Variants in SORCS2 observed in about 807,000 individuals in gnomAD.
SORCS2 encodes VPS10 domain-containing receptor SorCS2.
In SORCS2, 100 loss-of-function variants were observed where a neutral mutation model predicts 141.6. The observed-to-expected ratio is 0.71, with a 90% confidence interval of 0.60 to 0.83. SORCS2 has a LOEUF of 0.83. SORCS2 is among the 40% of genes least tolerant of loss of function. SORCS2 has a pLI of 0.00. For synonymous variants in SORCS2, 789 were observed against 676.9 expected (o/e 1.17, Z -2.57); for missense variants, 1,646 against 1,560.2 (o/e 1.05, Z -0.93).
chr4:7,251,611 C>T (rs1015624071), intron 1 of SORCS2, among the ~76,000 whole-genome samples: 4 of 152,202 alleles, frequency 2.6e-5, no homozygotes, highest in Non-Finnish European at 4.4e-5. Flanking sequence ...GAGTGCGCTC[C>T]TGCCTAAGCC....
chr4:7,568,558 A>G (rs922440770), intron 3 of SORCS2, among the ~76,000 whole-genome samples: 1 of 152,174 alleles, frequency 6.6e-6, no homozygotes, highest in Non-Finnish European at 1.5e-5. Context: ...TATCACAGCG[A>G]CCACCAAAAA....
intron 2 of SORCS2, among the ~76,000 whole-genome samples, chr4:7,459,233 A>C (rs897864954): frequency 6.6e-6 from 1 of 152,066 alleles, no homozygotes; most frequent in African/African-American, 2.4e-5. Context: ...CCCTTCTCCG[A>C]GTCTCTGTTT....
At chr4:7,505,051 G>C (rs904019501) in intron 2 of SORCS2, among the ~76,000 whole-genome samples, 2 of 152,206 alleles carry the variant, frequency 1.3e-5, no homozygotes, top group Non-Finnish European at 2.9e-5. Flanking sequence ...ATGGAAACCT[G>C]GAGCGCCGGG....
intron 1 of SORCS2, among the ~76,000 whole-genome samples, chr4:7,317,856 A>T (rs2878618): frequency 6.6e-6 from 1 of 151,850 alleles, no homozygotes; most frequent in Non-Finnish European, 1.5e-5. Flanking sequence ...AAACCCGAGA[A>T]CCCGGTGAGG....
chr4:7,301,346 T>G (rs1361757675), intron 1 of SORCS2, among the ~76,000 whole-genome samples: 1 of 151,944 alleles, frequency 6.6e-6, no homozygotes, highest in Non-Finnish European at 1.5e-5. Context: ...GCCGAGGAGG[T>G]GCTGAAGCCC....
At chr4:7,196,283 A>G (rs942683033) in intron 1 of SORCS2, among the ~76,000 whole-genome samples, 1 of 152,168 alleles carries the variant, frequency 6.6e-6, no homozygotes, top group Admixed American at 6.5e-5. Flanking sequence ...TGGGTTTTGC[A>G]TCTCCGGAGC....
At chr4:7,497,257 T>C (rs13114671) in intron 2 of SORCS2, among the ~76,000 whole-genome samples, 134,921 of 152,184 alleles carry the variant, frequency 0.89, 61,485 homozygotes, top group South Asian at 0.99. Flanking sequence ...GTGTGCCTCT[T>C]ACCATGTCTG....
chr4:7,504,997 C>T (rs1732191493), intron 2 of SORCS2, among the ~76,000 whole-genome samples: 1 of 152,188 alleles, frequency 6.6e-6, no homozygotes, highest in Non-Finnish European at 1.5e-5. Flanking sequence ...GGACCGAACC[C>T]TCCACCTCCT....
intron 1 of SORCS2, among the ~76,000 whole-genome samples, chr4:7,362,049 G>A (rs936410252): frequency 6.6e-6 from 1 of 152,182 alleles, no homozygotes; most frequent in African/African-American, 2.4e-5. Flanking sequence ...GGTCCAGGAA[G>A]CGTGGATTTG....
intron 2 of SORCS2, among the ~76,000 whole-genome samples, chr4:7,491,262 G>A (rs751145749): frequency 4.6e-5 from 7 of 152,120 alleles, no homozygotes; most frequent in Admixed American, 1.3e-4. Flanking sequence ...TCAGCCTCCA[G>A]CATGGGTTAC....
At chr4:7,485,254 C>T (rs1730905572) in intron 2 of SORCS2, among the ~76,000 whole-genome samples, 1 of 152,234 alleles carries the variant, frequency 6.6e-6, no homozygotes, top group South Asian at 2.1e-4. Flanking sequence ...CCTCCCATCG[C>T]CCTGGGCAGC....
intron 2 of SORCS2, among the ~76,000 whole-genome samples, chr4:7,408,916 A>C (rs1560260957): frequency 6.6e-6 from 1 of 152,084 alleles, no homozygotes; most frequent in African/African-American, 2.4e-5. Context: ...TTTCAGTTCC[A>C]CAGGTGTTTT....
At chr4:7,478,223 C>T (rs796115045) in intron 2 of SORCS2, among the ~76,000 whole-genome samples, 114 of 152,212 alleles carry the variant, frequency 7.5e-4, no homozygotes, top group African/African-American at 2.0e-3. Context: ...GTGATGTGGG[C>T]GCTGCAGGCA....
chr4:7,634,103 C>T lies in SORCS2; in HGVS notation c.649-4225C>T, dbSNP rs1342230622. Among the ~76,000 whole-genome samples, 3 of 61,242 alleles carry T rather than the reference C, an allele frequency of 4.9e-5. 1 individual carries two copies. The highest frequency in any genetic ancestry group is 4.7e-3 in the East Asian group (2 of 426). The allele number at this position is 61,242 out of a possible 152,430, so 40.2% of individuals were successfully genotyped here. ...ACTTTGGGAGGGACAGGCCGGGCAC[C>T]GTGGCTCATGCCTTAATCCTAGCAC... is the stretch of plus-strand genomic sequence containing the variant. On this transcript the variant is annotated intron_variant, in intron 3 of 26. Transcript: ENST00000507866.
chr4:7,226,226 C>A (rs1728982862), intron 1 of SORCS2, among the ~76,000 whole-genome samples: 1 of 152,110 alleles, frequency 6.6e-6, no homozygotes, highest in Admixed American at 6.5e-5. Context: ...TGCTCCCAGA[C>A]CTGGGAGGTG....
At chr4:7,296,973 G>A (rs909416286) in intron 1 of SORCS2, among the ~76,000 whole-genome samples, 10 of 152,150 alleles carry the variant, frequency 6.6e-5, no homozygotes, top group Admixed American at 1.3e-4. Context: ...CCCCTCCCCA[G>A]ACACCAGCAT....
intron 1 of SORCS2, among the ~76,000 whole-genome samples, chr4:7,349,566 G>A (rs3864197): frequency 0.47 from 71,443 of 151,816 alleles, 17,109 homozygotes; most frequent in African/African-American, 0.54. Flanking sequence ...AGTCAAGCAG[G>A]GTCAGGAGAT....
chr4:7,440,265 G>T (rs1727573456), intron 2 of SORCS2, among the ~76,000 whole-genome samples: 1 of 152,186 alleles, frequency 6.6e-6, no homozygotes, highest in African/African-American at 2.4e-5. Flanking sequence ...CGGGGAGGAG[G>T]GAACAAAGAG....
chr4:7,381,221 T>C (rs1205065982), intron 1 of SORCS2, among the ~76,000 whole-genome samples: 1 of 152,188 alleles, frequency 6.6e-6, no homozygotes, highest in African/African-American at 2.4e-5. Context: ...GTTTGGTCGA[T>C]GACATGACAG....
Sources: gnomAD v4.1 joint callset for allele counts (sites outside exome capture counted in the v4.1 genomes callset) on GRCh38, gnomAD v4.1.1 for gene constraint, MANE v1.5 for transcripts, NCBI Gene and HGNC (gene_info 2026-07-23, HGNC 2026-07-21) for gene names.